NTN4: variants seen among roughly 807,000 people sequenced by gnomAD.
NTN4 encodes netrin 4.
In NTN4, 32 loss-of-function variants were observed where a neutral mutation model predicts 73.6. The ratio of observed to expected loss-of-function variants is 0.44; its 90% CI spans 0.33 to 0.58. NTN4 has a LOEUF of 0.58. Among genes scored for constraint, NTN4 ranks in the 20% least tolerant of loss-of-function variants. The probability of loss-of-function intolerance (pLI) is 0.04; values close to 1 mark genes in which losing one functional copy is unlikely to be tolerated. For synonymous variants in NTN4, 258 were observed against 287.5 expected (o/e 0.90, Z 1.04); for missense variants, 654 against 798.3 (o/e 0.82, Z 2.18).
chr12:95,663,736 C>A (rs1565875398), intron 9 of NTN4: 1 of 152,154 alleles, frequency 6.6e-6, no homozygotes, highest in African/African-American at 2.4e-5. Context: ...TTCAAGAATT[C>A]TTTAAATAAT....
At chr12:95,701,003 AG>A (rs1325980424) in intron 5 of NTN4, among the ~76,000 whole-genome samples, 3 of 151,812 alleles carry the variant, frequency 2.0e-5, no homozygotes, top group Non-Finnish European at 2.9e-5. Flanking sequence ...TAGTAGAGAC[AG>A]GGTTTCACCA....
intron 6 of NTN4, 107 bp downstream of exon 6, chr12:95,683,391 A>G: frequency 1.9e-6 from 2 of 1,051,198 alleles, no homozygotes; most frequent in Non-Finnish European, 2.8e-6. Flanking sequence ...GAGATGTGCA[A>G]ATACATCTTT....
intron 2 of NTN4, among the ~76,000 whole-genome samples, chr12:95,771,076 G>C (rs929524668): frequency 1.4e-5 from 2 of 147,458 alleles, no homozygotes; most frequent in East Asian, 2.0e-4. Flanking sequence ...TGCAAGCTCC[G>C]CCTCCCGGGT....
chr12:95,684,422 C>T (rs999865885), intron 5 of NTN4, among the ~76,000 whole-genome samples: 4 of 151,924 alleles, frequency 2.6e-5, no homozygotes, highest in Non-Finnish European at 5.9e-5. Flanking sequence ...CCTTAGTCTC[C>T]CGAGTAGGTG....
At chr12:95,685,498 T>G (rs1461015395) in intron 5 of NTN4, among the ~76,000 whole-genome samples, 1 of 152,234 alleles carries the variant, frequency 6.6e-6, no homozygotes, top group Non-Finnish European at 1.5e-5. Flanking sequence ...GGAGAGTTCA[T>G]GCAGTTGACA....
At chr12:95,674,045 G>A (rs2078254578) in intron 7 of NTN4, 1 of 152,244 alleles carries the variant, frequency 6.6e-6, no homozygotes, top group African/African-American at 2.4e-5. Context: ...GCTACCCGTG[G>A]AGGGGAGCAT....
At chr12:95,753,234 C>T (rs1170769237) in intron 2 of NTN4, among the ~76,000 whole-genome samples, 1 of 151,910 alleles carries the variant, frequency 6.6e-6, no homozygotes, top group Admixed American at 6.6e-5. Context: ...CAGAACCTCT[C>T]ATTTCCTTTC....
chr12:95,672,525 T>C (rs2078240908), intron 7 of NTN4: 1 of 1,528,062 alleles, frequency 6.5e-7, no homozygotes, highest in Non-Finnish European at 9.0e-7. Flanking sequence ...TAGATGCCAT[T>C]GATCAGATGT....
intron 7 of NTN4, among the ~76,000 whole-genome samples, chr12:95,670,795 A>C (rs866013330): frequency 1.5e-4 from 22 of 149,790 alleles, no homozygotes; most frequent in Middle Eastern, 3.4e-3. Context: ...GAAGATGGGA[A>C]AAAACTTCTT....
At chr12:95,754,399 G>A (rs1438781533) in intron 2 of NTN4, among the ~76,000 whole-genome samples, 2 of 151,864 alleles carry the variant, frequency 1.3e-5, no homozygotes, top group South Asian at 2.1e-4. Context: ...AATTTTCGCC[G>A]CCCCAATACT....
chr12:95,772,898 T>G (rs2079066954), intron 2 of NTN4, among the ~76,000 whole-genome samples: 1 of 152,124 alleles, frequency 6.6e-6, no homozygotes. Flanking sequence ...CTTCCCTCTT[T>G]GGTCTTTTAT....
intron 2 of NTN4, among the ~76,000 whole-genome samples, chr12:95,752,211 C>T (rs1032817892): frequency 1.1e-3 from 173 of 151,828 alleles, no homozygotes; most frequent in African/African-American, 3.7e-3. Flanking sequence ...CCTGCTACAG[C>T]ATGGCCTTTT....
chr12:95,704,879 A>G (rs1284305756), intron 5 of NTN4, among the ~76,000 whole-genome samples: 1 of 152,210 alleles, frequency 6.6e-6, no homozygotes, highest in Non-Finnish European at 1.5e-5. Context: ...AGGGAAAGAA[A>G]GAAATACAGA....
intron 2 of NTN4, among the ~76,000 whole-genome samples, chr12:95,747,231 GT>G: frequency 6.6e-6 from 1 of 152,224 alleles, no homozygotes; most frequent in African/African-American, 2.4e-5. Flanking sequence ...CAATAATTCT[GT>G]TTTAGTAATT....
chr12:95,695,409 G>C (rs1316232770), intron 5 of NTN4, among the ~76,000 whole-genome samples: 1 of 152,084 alleles, frequency 6.6e-6, no homozygotes, highest in African/African-American at 2.4e-5. Context: ...CTGTCGCCCA[G>C]GCTGGAGTGC....
chr12:95,683,552 C>G lies in NTN4; in HGVS notation c.1340G>C (p.Arg447Pro), dbSNP rs370900900. ...ACAGCTCCCCGCACAGTCACATGGT[C>G]GACAGCCATAGTCTCCGAAGCCCCA... ...GYWGFGDYGC[R>P]PCDCAGSCDP... Residue 447 changes from arginine to proline, a missense_variant, in exon 6 of 10, where the codon CGA becomes CCA. Arg to Pro is a moderately radical substitution (Grantham distance 103). Transcript: ENST00000343702. 5.6e-6 allele frequency: 9 copies of G among 1,614,140 alleles called. No homozygotes were observed. The South Asian group carries it at 8.8e-5, about 16-fold the overall frequency.
rs1477778493 is a variant in NTN4 at position 95,737,542 on chromosome 12, G to T, written c.864+324C>A. ...ACAATGGTCCCCATTTACTGTCAAA[G>T]CTGGCTTGTGTGTGATAATACCACT... On this transcript the variant is annotated intron_variant, in intron 3 of 9. Coordinates refer to ENST00000343702, the MANE Select transcript of NTN4 (RefSeq NM_021229.4). Among the ~76,000 whole-genome samples the T allele has an allele frequency of 2.0e-5, 3 of 152,134 alleles. No homozygotes were observed. The South Asian group carries it at 6.2e-4, about 32-fold the overall frequency.
intron 5 of NTN4, among the ~76,000 whole-genome samples, chr12:95,708,304 TTGA>T (rs2078536254): frequency 7.4e-6 from 1 of 135,212 alleles, no homozygotes. Flanking sequence ...TTATTTATTT[TTGA>T]GACAGAGTCT....
chr12:95,782,112 C>T (rs2079137005), intron 2 of NTN4, among the ~76,000 whole-genome samples: 1 of 152,112 alleles, frequency 6.6e-6, no homozygotes, highest in South Asian at 2.1e-4. Context: ...TGATCCTCAT[C>T]CCCTGCCCAA....
Sources: allele counts gnomAD v4.1 joint callset (sites outside exome capture counted in the v4.1 genomes callset), GRCh38; gene constraint gnomAD v4.1.1; transcripts MANE v1.5; gene names NCBI Gene and HGNC (gene_info 2026-07-23, HGNC 2026-07-21).